EFR3B: variants seen among roughly 807,000 people sequenced by gnomAD.
The protein encoded by EFR3B is EFR3 homolog B, also known as protein EFR3 homolog B.
Under a neutral mutation model 104.7 loss-of-function variants are expected in EFR3B, and 64 were observed. The ratio of observed to expected loss-of-function variants is 0.61; its 90% CI spans 0.50 to 0.75. The LOEUF is 0.75. Among genes scored for constraint, EFR3B ranks in the 30% least tolerant of loss-of-function variants. EFR3B has a pLI of 0.00. For missense variants in EFR3B, 750 were observed against 1,078.5 expected (o/e 0.70, Z 4.27); for synonymous variants, 385 against 417.9 (o/e 0.92, Z 0.96).
chr2:25,085,333 A>T (rs1668918755), intron 1 of EFR3B, among the ~76,000 whole-genome samples: 1 of 152,246 alleles, frequency 6.6e-6, no homozygotes, highest in South Asian at 2.1e-4. Flanking sequence ...AGTACTCTTT[A>T]AACTCTAAAA....
At chr2:25,135,375 C>A in intron 12 of EFR3B, 92 bp from the exon 13 acceptor site, 1 of 1,438,030 alleles carries the variant, frequency 7.0e-7, no homozygotes, top group South Asian at 1.3e-5. Flanking sequence ...ATGTGTACAT[C>A]AGACCTGACT....
intron 3 of EFR3B, among the ~76,000 whole-genome samples, chr2:25,101,706 A>G (rs1669436335): frequency 6.6e-6 from 1 of 152,154 alleles, no homozygotes; most frequent in Non-Finnish European, 1.5e-5. Context: ...ACAGCAAGAG[A>G]GACTGGGAAA....
chr2:25,117,412 CTT>C (rs34515768), intron 4 of EFR3B, among the ~76,000 whole-genome samples: 25 of 139,164 alleles, frequency 1.8e-4, no homozygotes, highest in Admixed American at 2.9e-4. Context: ...CCCCCACCCT[CTT>C]TTTTTTTTTT....
rs368952443 is a variant in EFR3B at position 25,093,110 on chromosome 2, C to T, written c.192C>T (p.Asp64=). 1,374 of 1,551,824 alleles carry T rather than the reference C, an allele frequency of 8.9e-4. 23 individuals are homozygous for T. The South Asian group carries it at 0.014, about 16-fold the overall frequency. ...GAYLSERLIR[D]VGRHRYGYVC... is the part of the protein sequence containing the mutation. ...ACCTCTCTGAGAGGCTCATCCGTGA[C>T]GTGGGTCGCCATCGATATGGGTAAG... The change falls in exon 3 of 23, where the codon GAC becomes GAT. Residue 64 remains aspartate (D), a synonymous_variant. Transcript: ENST00000403714.
At chr2:25,085,378 T>G (rs961230093) in intron 1 of EFR3B, among the ~76,000 whole-genome samples, 1 of 152,236 alleles carries the variant, frequency 6.6e-6, no homozygotes, top group Non-Finnish European at 1.5e-5. Context: ...ATTTGTAGTA[T>G]TATATTCCTT....
intron 5 of EFR3B, among the ~76,000 whole-genome samples, chr2:25,123,230 C>T (rs1670069474): frequency 6.6e-6 from 1 of 151,856 alleles, no homozygotes; most frequent in Non-Finnish European, 1.5e-5. Context: ...CATGACTGCA[C>T]GTGCCTGTAT....
At position 25,143,862 on chromosome 2, in the gene EFR3B, G is replaced by C; in HGVS notation, c.2050G>C (p.Asp684His). 6.4e-7 allele frequency: 1 copy of C among 1,551,538 alleles called. No individual in the cohort carries two copies. Among genetic ancestry groups the C allele is most frequent in the Non-Finnish European group, 8.7e-7 (1 of 1,146,914 alleles). The change falls in exon 18 of 23, where the codon GAT (aspartate) becomes CAT (histidine). Residue 684 changes from aspartate to histidine, a missense_variant and splice_region_variant. Physicochemically the swap from Asp to His is moderately conservative, Grantham distance 81. Coordinates refer to ENST00000403714, the MANE Select transcript of EFR3B (RefSeq NM_014971.2). ...CCTGCCCTACATTCCTCAGCTGACA[G>C]GTATGAGTTCTGTGCAGGGATGCCC... ...LCLPYIPQLTDEDRLSKRRSI... is the reference protein window; with the variant it reads ...LCLPYIPQLTHEDRLSKRRSI...
chr2:25,043,856 C>G (rs899927034), intron 1 of EFR3B, among the ~76,000 whole-genome samples: 1 of 152,144 alleles, frequency 6.6e-6, no homozygotes, highest in Non-Finnish European at 1.5e-5. Flanking sequence ...TGCAGGGGCA[C>G]CTGCAGTGGG....
rs568903979 is a variant in EFR3B at position 25,068,493 on chromosome 2, C to T, written c.8-22832C>T. Among the ~76,000 whole-genome samples the T allele has an allele frequency of 1.0e-3, 153 of 152,308 alleles. 1 individual carries two copies. Among genetic ancestry groups the T allele is most frequent in the African/African-American group, 3.5e-3 (147 of 41,576 alleles). ...GATTTCTCAAGCCTCATTCATTATG[C>T]TCATCCTGGGGCACAAGCATAAGAT... is the stretch of plus-strand genomic sequence containing the variant. On this transcript the variant is annotated intron_variant, in intron 1 of 22. Transcript: ENST00000403714.
chr2:25,079,952 C>T (rs954341673), intron 1 of EFR3B: 35 of 1,290,528 alleles, frequency 2.7e-5, no homozygotes, highest in South Asian at 4.7e-5. Flanking sequence ...TGGCTAAGTC[C>T]GCTGTTTCAG....
chr2:25,143,873 T>G lies in EFR3B; in HGVS notation c.2050+11T>G. ...TTCCTCAGCTGACAGGTATGAGTTC[T>G]GTGCAGGGATGCCCGGGCCTGCCTC... On this transcript the variant is annotated intron_variant, in intron 18 of 22. Coordinates refer to ENST00000403714, the MANE Select transcript of EFR3B (RefSeq NM_014971.2). The G allele has an allele frequency of 6.5e-7, 1 of 1,550,380 alleles. No homozygotes were observed. Among genetic ancestry groups the G allele is most frequent in the Non-Finnish European group, 8.7e-7 (1 of 1,146,082 alleles).
At chr2:25,135,430 G>C in intron 12 of EFR3B, 37 bp from the exon 13 acceptor site, 1 of 1,548,718 alleles carries the variant, frequency 6.5e-7, no homozygotes. Flanking sequence ...GAGAGGGACA[G>C]CATTCCTAGG....
intron 4 of EFR3B, among the ~76,000 whole-genome samples, chr2:25,121,148 T>G (rs1327247399): frequency 6.6e-6 from 1 of 152,156 alleles, no homozygotes; most frequent in Non-Finnish European, 1.5e-5. Flanking sequence ...ATGATCCACC[T>G]GCCTCGGCCT....
intron 4 of EFR3B, among the ~76,000 whole-genome samples, chr2:25,110,015 T>G (rs1472158831): frequency 6.6e-6 from 1 of 152,112 alleles, no homozygotes; most frequent in Non-Finnish European, 1.5e-5. Context: ...GCGGCTCCCC[T>G]GTGGCAGGCC....
chr2:25,151,665 C>T (rs1033330380), intron 20 of EFR3B, among the ~76,000 whole-genome samples: 1 of 152,222 alleles, frequency 6.6e-6, no homozygotes, highest in South Asian at 2.1e-4. Flanking sequence ...GTAAGAGCCC[C>T]GCTGAAAGGG....
At chr2:25,081,412 T>C in intron 1 of EFR3B, 1 of 1,249,610 alleles carries the variant, frequency 8.0e-7, no homozygotes, top group African/African-American at 1.5e-5. Flanking sequence ...ATTTCTTTCT[T>C]CTGTACCTAC....
chr2:25,121,800 T>C lies in EFR3B; in HGVS notation c.485+6T>C. The C allele has an allele frequency of 1.9e-6, 3 of 1,551,546 alleles. No individual in the cohort carries two copies. The highest frequency in any genetic ancestry group is 2.6e-6 in the Non-Finnish European group (3 of 1,146,936). ...GACTTAGAAATCAAGACCAAGTGAG[T>C]AGGGGAAGGCAAGGGTAGTTGGTTC... On this transcript the variant is annotated splice_donor_region_variant and intron_variant, in intron 5 of 22. Coordinates refer to ENST00000403714, the MANE Select transcript of EFR3B (RefSeq NM_014971.2).
At chr2:25,093,425 T>C (rs1161507415) in intron 3 of EFR3B, among the ~76,000 whole-genome samples, 2 of 151,734 alleles carry the variant, frequency 1.3e-5, no homozygotes, top group Non-Finnish European at 2.9e-5. Context: ...GCCCAGAAGG[T>C]CGAGGCTGCA....
rs1671173144 is a variant in EFR3B at position 25,156,449 on chromosome 2, C to T, written c.*2109C>T. The T allele has an allele frequency of 6.6e-6, 1 of 152,064 alleles. No homozygotes were observed. The highest frequency in any genetic ancestry group is 1.5e-5 in the Non-Finnish European group (1 of 68,042). 9.4% of individuals were successfully genotyped at this position (152,064 alleles called of 1,614,324 possible). A position where few individuals can be genotyped will look rare whatever the true frequency, so the allele number is the denominator to read the frequency against. ...AGTAGCTGGGATTACAGGCGTGCACCACCACGCCTGGCGAATTTTGTGTTT... is the reference window on the plus strand; with the variant it reads ...AGTAGCTGGGATTACAGGCGTGCACTACCACGCCTGGCGAATTTTGTGTTT... On this transcript the variant is annotated 3_prime_UTR_variant, in exon 23 of 23. Transcript: ENST00000403714.
Sources: allele counts gnomAD v4.1 joint callset (sites outside exome capture counted in the v4.1 genomes callset), GRCh38; gene constraint gnomAD v4.1.1; transcripts MANE v1.5; gene names NCBI Gene and HGNC (gene_info 2026-07-23, HGNC 2026-07-21).